WWP1: variants seen among roughly 807,000 people sequenced by gnomAD.
WWP1 encodes WW domain containing E3 ubiquitin protein ligase 1.
WWP1 carries 49 observed loss-of-function variants against 130.6 expected under a neutral mutation model. The ratio of observed to expected loss-of-function variants is 0.38; its 90% CI spans 0.30 to 0.48. The LOEUF is 0.48. Among genes scored for constraint, WWP1 ranks in the 20% least tolerant of loss-of-function variants. The pLI is 0.99. For missense variants in WWP1, 809 were observed against 1,100.6 expected, an observed-to-expected ratio of 0.74 and a Z score of 3.75; for synonymous variants, 332 against 367.8, an observed-to-expected ratio of 0.90 and a Z score of 1.11.
intron 21 of WWP1, among the ~76,000 whole-genome samples, chr8:86,457,429 GTCTATCTATCTA>G (rs768730517): frequency 2.4e-5 from 1 of 42,548 alleles, no homozygotes; most frequent in Non-Finnish European, 4.4e-5. Context: ...CTGTCTGTCT[GTCTATCTATCTA>G]TCTATCTATC....
At chr8:86,343,789 G>A (rs530653033) in intron 1 of WWP1, among the ~76,000 whole-genome samples, 6 of 152,084 alleles carry the variant, frequency 3.9e-5, no homozygotes, top group African/African-American at 1.2e-4. Context: ...TATTTGATAA[G>A]TTTAACAAAT....
At chr8:86,459,989 A>G (rs936969595) in intron 22 of WWP1, among the ~76,000 whole-genome samples, 13 of 152,178 alleles carry the variant, frequency 8.5e-5, no homozygotes, top group Admixed American at 7.9e-4. Flanking sequence ...TAGCACAGCT[A>G]TTTTGTCTTA....
chr8:86,370,855 C>CTCTTTTTTTTTTTT (rs1658910521), intron 2 of WWP1, among the ~76,000 whole-genome samples: 1 of 44,862 alleles, frequency 2.2e-5, no homozygotes, highest in Non-Finnish European at 3.8e-5. Context: ...TATATTCATT[C>CTCTTTTTTTTTTTT]TTTTTTTTTT....
At chr8:86,400,307 T>C (rs936866448) in intron 7 of WWP1, among the ~76,000 whole-genome samples, 5 of 150,526 alleles carry the variant, frequency 3.3e-5, no homozygotes, top group Non-Finnish European at 7.4e-5. Flanking sequence ...ACTCCAGCTC[T>C]GGGCGACAGA....
At chr8:86,394,685 A>G (rs1807550056) in intron 5 of WWP1, among the ~76,000 whole-genome samples, 1 of 152,162 alleles carries the variant, frequency 6.6e-6, no homozygotes, top group Non-Finnish European at 1.5e-5. Flanking sequence ...TGGTTTGTTT[A>G]TACTGTGACA....
chr8:86,417,701 C>G (rs956045780), intron 9 of WWP1, among the ~76,000 whole-genome samples: 5 of 152,090 alleles, frequency 3.3e-5, no homozygotes, highest in African/African-American at 1.2e-4. Flanking sequence ...TTTATTTTTT[C>G]CCCCAATTTT....
chr8:86,450,972 G>T (rs558459177), intron 20 of WWP1, among the ~76,000 whole-genome samples: 51 of 152,026 alleles, frequency 3.4e-4, no homozygotes, highest in African/African-American at 1.2e-3. Context: ...AGGACTTTGG[G>T]AGGCCGAGGT....
intron 1 of WWP1, among the ~76,000 whole-genome samples, chr8:86,360,523 G>A (rs935701285): frequency 6.6e-6 from 1 of 152,162 alleles, no homozygotes; most frequent in Admixed American, 6.5e-5. Flanking sequence ...CCTTTCCTGA[G>A]TGGGTACCTG....
chr8:86,408,313 A>G (rs970810272), intron 8 of WWP1, among the ~76,000 whole-genome samples: 1 of 152,198 alleles, frequency 6.6e-6, no homozygotes, highest in Non-Finnish European at 1.5e-5. Context: ...ACATTGCTAT[A>G]TACATTTGTG....
chr8:86,384,843 A>G (rs535709505), intron 5 of WWP1, among the ~76,000 whole-genome samples: 1 of 152,152 alleles, frequency 6.6e-6, no homozygotes, highest in African/African-American at 2.4e-5. Flanking sequence ...TCTACCAGAG[A>G]TACAAAAAAT....
intron 9 of WWP1, among the ~76,000 whole-genome samples, chr8:86,413,511 C>T (rs1008803114): frequency 1.1e-4 from 16 of 152,148 alleles, no homozygotes; most frequent in African/African-American, 2.9e-4. Context: ...GAGTTACCTG[C>T]GCCGTTGACG....
rs937024498 is a variant in WWP1 at position 86,467,671 on chromosome 8, C to T, written c.*778C>T. 3 of 152,110 alleles carry T rather than the reference C, an allele frequency of 2.0e-5. No homozygotes were observed. The highest frequency in any genetic ancestry group is 2.9e-5 in the Non-Finnish European group (2 of 67,996). 9.4% of individuals were successfully genotyped at this position (152,110 alleles called of 1,614,324 possible). On this transcript the variant is annotated 3_prime_UTR_variant, in exon 25 of 25. Transcript: ENST00000517970. ...ATTTGTGGAATTAAAAAGAATCAGG[C>T]TCTTTTGTACTTTGTTTTTAAATCT...
At chr8:86,366,036 A>T (rs56122638) in intron 1 of WWP1, among the ~76,000 whole-genome samples, 64,572 of 152,100 alleles carry the variant, frequency 0.42, 15,081 homozygotes, top group Non-Finnish European at 0.53. Flanking sequence ...AAAATTTGAA[A>T]CTATGAAGTG....
chr8:86,411,460 T>TAAG, intron 8 of WWP1, 78 bp from the exon 9 acceptor site: 1 of 1,291,394 alleles, frequency 7.7e-7, no homozygotes, highest in East Asian at 2.3e-5. Flanking sequence ...AGGCTCTGAA[T>TAAG]AAGTGTAGTC....
Position 86,448,532 on chromosome 8 carries a change from T to C in WWP1, c.2273+19T>C. 1.2e-6 allele frequency: 2 copies of C among 1,601,850 alleles called. No homozygotes were observed. Among genetic ancestry groups the C allele is most frequent in the Non-Finnish European group, 1.7e-6 (2 of 1,174,624 alleles). On this transcript the variant is annotated intron_variant, in intron 20 of 24. Transcript: ENST00000517970. Reference sequence around the variant, plus strand: ...ATATTGGGTAAGGTGATATACCTTATTAAGCTTAATTTCTAGAACACTTCA... The same window carrying C: ...ATATTGGGTAAGGTGATATACCTTACTAAGCTTAATTTCTAGAACACTTCA...
At chr8:86,381,650 T>G in intron 5 of WWP1, 21 bp downstream of exon 5, 1 of 1,560,502 alleles carries the variant, frequency 6.4e-7, no homozygotes, top group East Asian at 2.3e-5. Context: ...TGTTCTGACC[T>G]TTATTTCCTT....
chr8:86,416,661 T>C (rs984820357), intron 9 of WWP1, among the ~76,000 whole-genome samples: 1 of 152,048 alleles, frequency 6.6e-6, no homozygotes, highest in Non-Finnish European at 1.5e-5. Context: ...AGAGAGACCA[T>C]ACCTAAACAC....
chr8:86,429,001 C>G (rs1364274855), intron 11 of WWP1, among the ~76,000 whole-genome samples: 1 of 152,086 alleles, frequency 6.6e-6, no homozygotes, highest in Non-Finnish European at 1.5e-5. Flanking sequence ...AGTACAACAT[C>G]AAGTCTGGGG....
intron 7 of WWP1, among the ~76,000 whole-genome samples, chr8:86,400,317 A>G (rs998893292): frequency 6.6e-6 from 1 of 151,968 alleles, no homozygotes; most frequent in Non-Finnish European, 1.5e-5. Flanking sequence ...TGGGCGACAG[A>G]GCAAGACTTC....
Sources: allele counts gnomAD v4.1 joint callset (sites outside exome capture counted in the v4.1 genomes callset), GRCh38; gene constraint gnomAD v4.1.1; transcripts MANE v1.5; gene names NCBI Gene and HGNC (gene_info 2026-07-23, HGNC 2026-07-21).